CNOT6: variants seen among roughly 807,000 people sequenced by gnomAD.
The protein encoded by CNOT6 is carbon catabolite repression 4 protein.
CNOT6 carries 12 observed loss-of-function variants against 61.2 expected under a neutral mutation model. That is an observed-to-expected ratio of 0.20 (90% CI 0.13 to 0.32). The LOEUF is 0.32. CNOT6 is among the 10% of genes least tolerant of loss of function. The probability of loss-of-function intolerance (pLI) is 1.00; values close to 1 mark genes in which losing one functional copy is unlikely to be tolerated. For synonymous variants in CNOT6, 225 were observed against 240.6 expected, an observed-to-expected ratio of 0.94 and a Z score of 0.60; for missense variants, 405 against 663.9, an observed-to-expected ratio of 0.61 and a Z score of 4.28.
chr5:180,576,061 A>G lies in CNOT6; in HGVS notation c.*1861A>G, dbSNP rs1045600084. 3 of 152,588 alleles carry G rather than the reference A, an allele frequency of 2.0e-5. No homozygotes were observed. The highest frequency in any genetic ancestry group is 2.9e-5 in the Non-Finnish European group (2 of 68,026). The allele number at this position is 152,588 out of a possible 1,614,324, so 9.5% of individuals were successfully genotyped here. ...TTTTGTTTAAGTTGTGCTGACACCA[A>G]ACACATCCAGTTTATAATCAGTACA... On this transcript the variant is annotated 3_prime_UTR_variant, in exon 12 of 12. Transcript: ENST00000261951.
At position 180,575,820 on chromosome 5, in the gene CNOT6, T is replaced by G. The variant is rs72816961; in HGVS notation, c.*1620T>G. The G allele has an allele frequency of 0.019, 2,884 of 151,894 alleles. 38 individuals carry two copies. Among genetic ancestry groups the G allele is most frequent in the Non-Finnish European group, 0.027 (1,849 of 67,870 alleles). The allele number at this position is 151,894 out of a possible 1,614,324, so 9.4% of individuals were successfully genotyped here. ...GAGCAAAAGGACGCCATGTGAGCATTAGGAAAAAAAATACTCACTCTTACT... is the reference window on the plus strand; with the variant it reads ...GAGCAAAAGGACGCCATGTGAGCATGAGGAAAAAAAATACTCACTCTTACT... On this transcript the variant is annotated 3_prime_UTR_variant, in exon 12 of 12. Coordinates refer to ENST00000261951, the MANE Select transcript of CNOT6 (RefSeq NM_001370472.1).
At chr5:180,548,488 G>A (rs1479715995) in intron 2 of CNOT6, among the ~76,000 whole-genome samples, 1 of 152,188 alleles carries the variant, frequency 6.6e-6, no homozygotes, top group Admixed American at 6.5e-5. Context: ...TCTGCCTCTT[G>A]ATTTCTAATC....
intron 1 of CNOT6, among the ~76,000 whole-genome samples, chr5:180,500,967 AAGGAAC>A (rs1215780996): frequency 6.6e-6 from 1 of 152,096 alleles, no homozygotes; most frequent in East Asian, 1.9e-4. Context: ...GGACAGGGAG[AAGGAAC>A]AGCATATTGG....
intron 2 of CNOT6, among the ~76,000 whole-genome samples, chr5:180,544,478 T>G (rs986518519): frequency 1.3e-5 from 2 of 152,236 alleles, no homozygotes; most frequent in Non-Finnish European, 2.9e-5. Context: ...GTGTGTATGG[T>G]AGGCATCCGA....
At chr5:180,547,567 T>C (rs946129200) in intron 2 of CNOT6, among the ~76,000 whole-genome samples, 3 of 152,064 alleles carry the variant, frequency 2.0e-5, no homozygotes, top group African/African-American at 4.8e-5. Flanking sequence ...CAGTCTCTCT[T>C]ATTGTTTACA....
chr5:180,574,301 G>A lies in CNOT6; in HGVS notation c.*101G>A, dbSNP rs1760914511. The A allele has an allele frequency of 1.1e-6, 1 of 930,426 alleles. No individual in the cohort carries two copies. Among genetic ancestry groups the A allele is most frequent in the African/African-American group, 1.6e-5 (1 of 61,456 alleles). 57.6% of individuals were successfully genotyped at this position (930,426 alleles called of 1,614,324 possible). On this transcript the variant is annotated 3_prime_UTR_variant, in exon 12 of 12. Coordinates refer to ENST00000261951, the MANE Select transcript of CNOT6 (RefSeq NM_001370472.1). ...CCACTGAGGATTTTTGCTTGCTTAA[G>A]AATGATTTGGACTTTCAATCTGATT...
chr5:180,567,815 C>CTGTG (rs146190811), intron 8 of CNOT6, 34 bp from the exon 9 acceptor site: 27 of 1,516,582 alleles, frequency 1.8e-5, no homozygotes, highest in African/African-American at 8.3e-5. Flanking sequence ...ATTCCCAACT[C>CTGTG]TGTGTGTGTG....
intron 1 of CNOT6, among the ~76,000 whole-genome samples, chr5:180,498,012 C>T (rs889473302): frequency 2.0e-5 from 3 of 148,266 alleles, no homozygotes; most frequent in African/African-American, 7.5e-5. Flanking sequence ...CATTGCACTC[C>T]AGCCTGGGCA....
chr5:180,519,135 C>T (rs926705660), intron 1 of CNOT6, among the ~76,000 whole-genome samples: 5 of 152,102 alleles, frequency 3.3e-5, no homozygotes, highest in Admixed American at 2.0e-4. Flanking sequence ...GTAGGTGCAT[C>T]CAGAGAGGTT....
intron 10 of CNOT6, 90 bp downstream of exon 10, chr5:180,569,430 A>C: frequency 9.1e-7 from 1 of 1,102,570 alleles, no homozygotes; most frequent in East Asian, 2.4e-5. Flanking sequence ...AATTAAGTCC[A>C]AATAAAAATT....
intron 2 of CNOT6, among the ~76,000 whole-genome samples, chr5:180,544,919 C>T (rs1759235771): frequency 6.6e-6 from 1 of 152,162 alleles, no homozygotes; most frequent in Non-Finnish European, 1.5e-5. Context: ...TGAGCAAGCA[C>T]ACCACTGCAC....
intron 3 of CNOT6, among the ~76,000 whole-genome samples, chr5:180,552,352 CAAAT>C (rs985836381): frequency 1.8e-4 from 28 of 151,792 alleles, no homozygotes; most frequent in African/African-American, 5.8e-4. Flanking sequence ...TAAAAAGTGA[CAAAT>C]AGGCTGGGCA....
intron 2 of CNOT6, among the ~76,000 whole-genome samples, chr5:180,545,123 CCTT>C (rs1458485956): frequency 7.2e-6 from 1 of 139,550 alleles, no homozygotes; most frequent in African/African-American, 2.4e-5. Context: ...AAGGGAAATA[CCTT>C]CTTAGATTAA....
chr5:180,529,479 A>G (rs1758251908), intron 2 of CNOT6, 91 bp downstream of exon 2: 3 of 718,602 alleles, frequency 4.2e-6, no homozygotes, highest in East Asian at 2.7e-5. Flanking sequence ...AGAAACATTG[A>G]TTTTATATTT....
rs70973919 is a variant in CNOT6, at chr5:180,505,251, ATTTTTTTT to A, written c.-3+10503_-3+10510del. On this transcript the variant is annotated intron_variant, in intron 1 of 11. Transcript: ENST00000261951. ...CTGGGATTACAGGCGGTAATAGTTA[ATTTTTTTT>A]TTTTTTTTTTTTTTGAGACGGAGTC... 8.3e-5 allele frequency among the ~76,000 whole-genome samples: 5 copies of A among 60,424 alleles called. No homozygotes were observed. The East Asian group carries it at 1.2e-3, about 15-fold the overall frequency. 39.6% of individuals were successfully genotyped at this position (60,424 alleles called of 152,430 possible). A position where few individuals can be genotyped will look rare whatever the true frequency, so the allele number is the denominator to read the frequency against.
intron 1 of CNOT6, among the ~76,000 whole-genome samples, chr5:180,528,503 G>A (rs1040173647): frequency 6.6e-6 from 1 of 151,924 alleles, no homozygotes; most frequent in African/African-American, 2.4e-5. Flanking sequence ...TTTTAGTAGA[G>A]ATGGAGTTTC....
intron 11 of CNOT6, among the ~76,000 whole-genome samples, chr5:180,573,418 G>A (rs1241028052): frequency 6.6e-6 from 1 of 152,214 alleles, no homozygotes. Context: ...GTGAGAGGTA[G>A]GGTAGTAAGT....
chr5:180,542,363 C>G (rs946041064), intron 2 of CNOT6, among the ~76,000 whole-genome samples: 1 of 151,768 alleles, frequency 6.6e-6, no homozygotes, highest in African/African-American at 2.4e-5. Context: ...CTCCTGGGTT[C>G]ACACCATCCT....
At chr5:180,498,805 T>C (rs1756735349) in intron 1 of CNOT6, among the ~76,000 whole-genome samples, 1 of 152,106 alleles carries the variant, frequency 6.6e-6, no homozygotes, top group Non-Finnish European at 1.5e-5. Context: ...TTGAATCTGT[T>C]TTCTTCTTTT....
Sources: allele counts gnomAD v4.1 joint callset (sites outside exome capture counted in the v4.1 genomes callset), GRCh38; gene constraint gnomAD v4.1.1; transcripts MANE v1.5; gene names NCBI Gene and HGNC (gene_info 2026-07-23, HGNC 2026-07-21).